The following FHAD1 variants were observed in gnomAD, a reference collection of about 807,000 sequenced individuals.
The protein encoded by FHAD1 is forkhead-associated domain-containing protein 1.
FHAD1 carries 146 observed loss-of-function variants against 191.3 expected under a neutral mutation model. The ratio of observed to expected loss-of-function variants is 0.76; its 90% CI spans 0.67 to 0.88. The LOEUF (loss-of-function observed/expected upper bound fraction) is 0.88. Among genes scored for constraint, FHAD1 ranks in the 40% least tolerant of loss-of-function variants. The pLI is 0.00. For missense variants in FHAD1, 1,635 were observed against 1,785.8 expected, an observed-to-expected ratio of 0.92 and a Z score of 1.52; for synonymous variants, 616 against 672.3, an observed-to-expected ratio of 0.92 and a Z score of 1.29.
chr1:15,342,437 A>G (rs969483885), intron 16 of FHAD1, among the ~76,000 whole-genome samples: 4 of 152,198 alleles, frequency 2.6e-5, no homozygotes, highest in African/African-American at 9.7e-5. Context: ...ATTTTCAACA[A>G]GCTCCCAGAT....
intron 14 of FHAD1, among the ~76,000 whole-genome samples, chr1:15,335,094 G>A (rs1407765356): frequency 6.6e-6 from 1 of 152,224 alleles, no homozygotes; most frequent in Non-Finnish European, 1.5e-5. Context: ...AATCCAGGCG[G>A]GGTAAACGTC....
chr1:15,280,568 G>A (rs1185561966), intron 3 of FHAD1, among the ~76,000 whole-genome samples: 2 of 152,106 alleles, frequency 1.3e-5, no homozygotes, highest in African/African-American at 4.8e-5. Flanking sequence ...TGGTGAAACA[G>A]AACACGGACG....
chr1:15,334,545 C>T (rs756035393), intron 14 of FHAD1: 5 of 152,230 alleles, frequency 3.3e-5, no homozygotes, highest in African/African-American at 7.2e-5. Context: ...TGGGCAGTTA[C>T]GTGACGTGGC....
At chr1:15,320,037 T>C (rs1022836087) in intron 10 of FHAD1, among the ~76,000 whole-genome samples, 4 of 152,230 alleles carry the variant, frequency 2.6e-5, no homozygotes, top group Admixed American at 6.5e-5. Context: ...CCACAAGTCT[T>C]AGTACGTAGT....
In FHAD1 at chr1:15,312,758, G is replaced by A. The variant is rs114673325; in HGVS notation, c.1040-299G>A. 7.7e-3 allele frequency among the ~76,000 whole-genome samples: 1,173 copies of A among 152,286 alleles called. 15 individuals carry two copies. The highest frequency in any genetic ancestry group is 0.027 in the African/African-American group (1,121 of 41,538). On this transcript the variant is annotated intron_variant, in intron 7 of 33. Coordinates refer to ENST00000688493, the MANE Select transcript of FHAD1 (RefSeq NM_001391957.1). The surrounding 1 kb of genome is among the most constrained non-coding windows in gnomAD (Gnocchi z 4.7). ...TCCCTTGCTGCCACAGGCCCATGTC[G>A]TGGCCCCTCCTGGTCCCTCTCTCTG...
intron 33 of FHAD1, among the ~76,000 whole-genome samples, chr1:15,392,328 C>G (rs58812257): frequency 2.5e-4 from 38 of 152,222 alleles, no homozygotes; most frequent in African/African-American, 7.2e-4. Context: ...GTCAGGAGAT[C>G]GAGACCATCC....
chr1:15,264,540 A>T (rs1652570713), intron 2 of FHAD1, among the ~76,000 whole-genome samples: 1 of 139,362 alleles, frequency 7.2e-6, no homozygotes, highest in African/African-American at 2.9e-5. Context: ...TCAGTGTTAT[A>T]TGTATATATG....
In FHAD1 at chr1:15,330,563, G is replaced by A. The variant is rs143589355; in HGVS notation, c.1906+1022G>A. The stretch of plus-strand genomic sequence containing the variant: ...GTGGGCATTAATGGGAAAATCACTC[G>A]AACAAACATGAAAGTTGAGTGGTGA... On this transcript the variant is annotated intron_variant, in intron 14 of 33. Transcript: ENST00000688493. Among the ~76,000 whole-genome samples, 31 of 152,278 alleles carry A rather than the reference G, an allele frequency of 2.0e-4. No individual in the cohort carries two copies. In the East Asian group the frequency reaches 5.4e-3, roughly 27 times the overall value.
chr1:15,297,015 C>T (rs1337122592), intron 5 of FHAD1, among the ~76,000 whole-genome samples: 3 of 152,238 alleles, frequency 2.0e-5, no homozygotes, highest in African/African-American at 7.2e-5. Flanking sequence ...GTCCTGTGCA[C>T]TTAACATTCA....
At chr1:15,353,110 C>T (rs1691449351) in intron 20 of FHAD1, 126 bp downstream of exon 20, 1 of 653,518 alleles carries the variant, frequency 1.5e-6, no homozygotes, top group African/African-American at 1.8e-5. Flanking sequence ...AGGCTAGTAC[C>T]TTACCATCTC....
At position 15,318,154 on chromosome 1, in the gene FHAD1, C is replaced by G. The variant is rs940065978; in HGVS notation, c.1365+226C>G. The stretch of plus-strand genomic sequence containing the variant: ...GGCCCCTGTGAGTAACCCCACTACT[C>G]CTCACTGCCTTCTAAAACTGTTTCT... On this transcript the variant is annotated intron_variant, in intron 10 of 33. Transcript: ENST00000688493. The surrounding 1 kb of genome is among the most constrained non-coding windows in gnomAD (Gnocchi z 4.1). 2.6e-5 allele frequency among the ~76,000 whole-genome samples: 4 copies of G among 152,204 alleles called. No individual in the cohort carries two copies. Among genetic ancestry groups the G allele is most frequent in the African/African-American group, 9.7e-5 (4 of 41,438 alleles).
At chr1:15,337,084 C>A (rs1684480138) in intron 14 of FHAD1, among the ~76,000 whole-genome samples, 1 of 152,210 alleles carries the variant, frequency 6.6e-6, no homozygotes, top group Admixed American at 6.5e-5. Context: ...TGCAGGGAGT[C>A]CAGCCAAGGC....
intron 20 of FHAD1, among the ~76,000 whole-genome samples, chr1:15,354,858 A>G (rs1570090582): frequency 6.6e-6 from 1 of 152,208 alleles, no homozygotes; most frequent in East Asian, 1.9e-4. Flanking sequence ...GTCATTACTT[A>G]GAGGATTCTG....
intron 14 of FHAD1, chr1:15,334,095 G>T (rs1032842089): frequency 6.6e-6 from 1 of 151,974 alleles, no homozygotes; most frequent in Non-Finnish European, 1.5e-5. Context: ...CAAAGTGCTG[G>T]TATTACCAGC....
chr1:15,267,110 A>AC (rs1653869895), intron 2 of FHAD1, among the ~76,000 whole-genome samples: 1 of 152,246 alleles, frequency 6.6e-6, no homozygotes, highest in African/African-American at 2.4e-5. Flanking sequence ...AAAGATCTGA[A>AC]CAGATACTTT....
At chr1:15,395,768 G>A (rs1024823712) in intron 33 of FHAD1, among the ~76,000 whole-genome samples, 5 of 151,976 alleles carry the variant, frequency 3.3e-5, no homozygotes, top group African/African-American at 1.2e-4. Flanking sequence ...ACACAAATTC[G>A]TAAACTTTCT....
At chr1:15,304,562 T>C (rs1327579156) in intron 6 of FHAD1, among the ~76,000 whole-genome samples, 1 of 152,182 alleles carries the variant, frequency 6.6e-6, no homozygotes, top group Admixed American at 6.5e-5. Context: ...AGCATTAAGC[T>C]GAGAAGAGCT....
intron 20 of FHAD1, among the ~76,000 whole-genome samples, chr1:15,356,505 C>G (rs1558210341): frequency 1.3e-5 from 2 of 152,176 alleles, no homozygotes; most frequent in Non-Finnish European, 2.9e-5. Context: ...CAGGTGCGTG[C>G]TACGTGACCC....
In FHAD1 at chr1:15,276,254, A is replaced by G. The variant is rs898826269; in HGVS notation, c.300+3725A>G. Among the ~76,000 whole-genome samples the G allele has an allele frequency of 1.3e-5, 2 of 152,220 alleles. No individual in the cohort carries two copies. The highest frequency in any genetic ancestry group is 2.4e-5 in the African/African-American group (1 of 41,454). On this transcript the variant is annotated intron_variant, in intron 3 of 33. Transcript: ENST00000688493. The surrounding 1 kb of genome is among the most constrained non-coding windows in gnomAD (Gnocchi z 4.7). ...TCATTGTTTGCAAATTGCTTAGCCCAGTATCTGGTGCCTATGATAGCAGGA... is the reference window on the plus strand; with the variant it reads ...TCATTGTTTGCAAATTGCTTAGCCCGGTATCTGGTGCCTATGATAGCAGGA...
Sources: gnomAD v4.1 joint callset for allele counts (sites outside exome capture counted in the v4.1 genomes callset) on GRCh38, gnomAD v4.1.1 for gene constraint, Gnocchi (gnomAD v3.1) non-coding constraint, MANE v1.5 for transcripts, NCBI Gene and HGNC (gene_info 2026-07-23, HGNC 2026-07-21) for gene names.